LAMA1: variants seen among roughly 807,000 people sequenced by gnomAD.
LAMA1 encodes laminin subunit alpha-1.
A neutral mutation model predicts 348.7 loss-of-function variants in LAMA1; 219 were observed. That is an observed-to-expected ratio of 0.63 (90% CI 0.56 to 0.70). The LOEUF is 0.70. Ranked by LOEUF, LAMA1 falls within the 30% of genes least tolerant of loss-of-function variation. The pLI, the probability that LAMA1 is intolerant of heterozygous loss-of-function variation, is 0.00. For missense variants in LAMA1, 3,744 were observed against 3,888.0 expected, an observed-to-expected ratio of 0.96 and a Z score of 0.99; for synonymous variants, 1,487 against 1,491.0, an observed-to-expected ratio of 1.00 and a Z score of 0.06.
Position 6,942,804 on chromosome 18 carries a change from A to C in LAMA1, c.9067+376T>G, listed in dbSNP as rs1034918836. Among the ~76,000 whole-genome samples the C allele has an allele frequency of 2.0e-5, 3 of 152,208 alleles. No homozygotes were observed. The East Asian group carries it at 5.8e-4, about 29-fold the overall frequency. On this transcript the variant is annotated intron_variant, in intron 62 of 62. Transcript: ENST00000389658. ...TTTATTATTTGCAACAATTCCTTGGAACATCTAAAATACATAATTCTAATC... is the reference window on the plus strand; with the variant it reads ...TTTATTATTTGCAACAATTCCTTGGCACATCTAAAATACATAATTCTAATC...
chr18:6,987,177 A>C (rs2057739135), intron 36 of LAMA1, among the ~76,000 whole-genome samples: 1 of 152,218 alleles, frequency 6.6e-6, no homozygotes. Context: ...TGGGAATCCG[A>C]ACACTTAAAC....
At chr18:7,025,652 A>G (rs572987912) in intron 17 of LAMA1, among the ~76,000 whole-genome samples, 1 of 152,324 alleles carries the variant, frequency 6.6e-6, no homozygotes. Flanking sequence ...ACAATGTTTT[A>G]TTCCTCTCTG....
intron 19 of LAMA1, among the ~76,000 whole-genome samples, chr18:7,018,031 T>C (rs1181240080): frequency 1.3e-5 from 2 of 151,986 alleles, no homozygotes; most frequent in Non-Finnish European, 2.9e-5. Flanking sequence ...AATAAGCACT[T>C]CAGTTAGAAT....
chr18:6,991,380 C>T (rs533242744), intron 36 of LAMA1, among the ~76,000 whole-genome samples: 11 of 144,756 alleles, frequency 7.6e-5, no homozygotes, highest in Non-Finnish European at 1.2e-4. Context: ...AATAATTCCA[C>T]TTCTTCTTCT....
chr18:6,989,748 T>C (rs1463931006), intron 36 of LAMA1, among the ~76,000 whole-genome samples: 1 of 152,098 alleles, frequency 6.6e-6, no homozygotes, highest in Non-Finnish European at 1.5e-5. Context: ...CTTTCAGGTC[T>C]CTCCAACCAG....
At chr18:7,106,176 C>G (rs2058310922) in intron 1 of LAMA1, among the ~76,000 whole-genome samples, 1 of 152,192 alleles carries the variant, frequency 6.6e-6, no homozygotes, top group Non-Finnish European at 1.5e-5. Context: ...GTACAGAGCA[C>G]TAGTCTGTGG....
At chr18:6,991,588 C>T (rs1415780382) in intron 36 of LAMA1, among the ~76,000 whole-genome samples, 1 of 151,774 alleles carries the variant, frequency 6.6e-6, no homozygotes, top group Non-Finnish European at 1.5e-5. Context: ...ACGGGTTTTG[C>T]CTTGTTGGCC....
chr18:7,027,119 C>T (rs12969773), intron 16 of LAMA1, among the ~76,000 whole-genome samples: 1 of 152,142 alleles, frequency 6.6e-6, no homozygotes, highest in Non-Finnish European at 1.5e-5. Flanking sequence ...AGATGGGGGC[C>T]TGTGCTGGAG....
intron 1 of LAMA1, among the ~76,000 whole-genome samples, chr18:7,105,718 G>T (rs2058309371): frequency 6.6e-6 from 1 of 152,194 alleles, no homozygotes; most frequent in Non-Finnish European, 1.5e-5. Flanking sequence ...AATTTTGGAT[G>T]AATTCGTTAA....
chr18:7,009,266 G>A lies in LAMA1; in HGVS notation c.3974C>T (p.Ser1325Leu), dbSNP rs375341685. The change falls in exon 27 of 63, where the codon TCG becomes TTG. Residue 1325 changes from serine to leucine, a missense_variant. Coordinates refer to ENST00000389658, the MANE Select transcript of LAMA1 (RefSeq NM_005559.4). ...GCTCTGCTGTAATCCTTGACCATACGATGCCTTGATGAGGATGTACTCAAT... is the reference window on the plus strand; with the variant it reads ...GCTCTGCTGTAATCCTTGACCATACAATGCCTTGATGAGGATGTACTCAAT... ...SDIEYILIKA[S>L]YGQGLQQSRI... 5.0e-6 allele frequency: 8 copies of A among 1,613,880 alleles called. No individual in the cohort carries two copies. Among genetic ancestry groups the A allele is most frequent in the African/African-American group, 2.7e-5 (2 of 74,878 alleles).
At chr18:7,033,169 T>A in intron 14 of LAMA1, 74 bp from the exon 15 acceptor site, 1 of 1,109,388 alleles carries the variant, frequency 9.0e-7, no homozygotes, top group Non-Finnish European at 1.3e-6. Context: ...GATGGGCTCC[T>A]AAAAGATTTA....
intron 1 of LAMA1, among the ~76,000 whole-genome samples, chr18:7,113,456 T>C (rs1038821887): frequency 6.6e-6 from 1 of 152,136 alleles, no homozygotes; most frequent in African/African-American, 2.4e-5. Context: ...TCTAAACTTA[T>C]AGGGTGGGCC....
At chr18:7,088,838 T>G (rs2058228123) in intron 1 of LAMA1, among the ~76,000 whole-genome samples, 1 of 152,108 alleles carries the variant, frequency 6.6e-6, no homozygotes, top group African/African-American at 2.4e-5. Context: ...ATATTCTTTA[T>G]GCATTTAAAA....
chr18:6,986,862 C>T (rs918343663), intron 36 of LAMA1, among the ~76,000 whole-genome samples: 12 of 152,176 alleles, frequency 7.9e-5, no homozygotes, highest in South Asian at 2.1e-4. Flanking sequence ...CATGTTCAAA[C>T]GATTCTCCTG....
rs146438640 is a variant in LAMA1 at position 6,964,787 on chromosome 18, G to A, written c.7212C>T (p.Ile2404=). 1.2e-5 allele frequency: 19 copies of A among 1,613,944 alleles called. No homozygotes were observed. In the Middle Eastern group the frequency reaches 4.9e-4, roughly 42 times the overall value. The part of the protein sequence containing the change: ...RNRKQGVLAV[I]DAYNTSNKET... ...CTTTATTACTGGTGTTATAGGCATC[G>A]ATAACTGCTAGCACTCCTAAAAGGA... Residue 2404 remains isoleucine (I), a synonymous_variant, in exon 51 of 63, where the codon ATC becomes ATT. Coordinates refer to ENST00000389658, the MANE Select transcript of LAMA1 (RefSeq NM_005559.4).
At chr18:6,968,768 C>T (rs1002968254) in intron 48 of LAMA1, among the ~76,000 whole-genome samples, 5 of 152,000 alleles carry the variant, frequency 3.3e-5, no homozygotes, top group African/African-American at 1.2e-4. Context: ...ATAATATATT[C>T]AAGGAGGAAT....
At chr18:7,039,363 T>C (rs2058010521) in intron 10 of LAMA1, among the ~76,000 whole-genome samples, 2 of 152,214 alleles carry the variant, frequency 1.3e-5, no homozygotes, top group South Asian at 4.1e-4. Flanking sequence ...TACAATGGAA[T>C]GTCCTATGAA....
At chr18:7,097,499 CTTTTTT>C (rs10566387) in intron 1 of LAMA1, among the ~76,000 whole-genome samples, 1 of 109,898 alleles carries the variant, frequency 9.1e-6, no homozygotes, top group Non-Finnish European at 1.9e-5. Context: ...TCTCAGCTGG[CTTTTTT>C]TTTTTTTTTT....
intron 3 of LAMA1, among the ~76,000 whole-genome samples, chr18:7,074,905 A>G (rs2058160601): frequency 6.9e-6 from 1 of 145,930 alleles, no homozygotes; most frequent in African/African-American, 2.6e-5. Flanking sequence ...ACTTCTGATA[A>G]GACTACTTTT....
Sources: allele counts gnomAD v4.1 joint callset (sites outside exome capture counted in the v4.1 genomes callset), GRCh38; gene constraint gnomAD v4.1.1; transcripts MANE v1.5; gene names NCBI Gene and HGNC (gene_info 2026-07-23, HGNC 2026-07-21).